The following WWOX variants were observed in gnomAD, a reference collection of about 807,000 sequenced individuals.
WWOX encodes WW domain containing oxidoreductase.
WWOX carries 69 observed loss-of-function variants against 46.2 expected under a neutral mutation model. The observed-to-expected ratio is 1.49, with a 90% CI of 1.23 to 1.82. The LOEUF is 1.82. WWOX is among the 40% of genes most tolerant of loss of function. The probability of loss-of-function intolerance (pLI) is 0.00; values close to 1 mark genes in which losing one functional copy is unlikely to be tolerated. For missense variants in WWOX, 919 were observed against 542.6 expected (o/e 1.69, Z -6.89); for synonymous variants, 359 against 202.6 (o/e 1.77, Z -6.56).
At chr16:78,112,961 T>G (rs1298613566) in intron 3 of WWOX, among the ~76,000 whole-genome samples, 1 of 152,106 alleles carries the variant, frequency 6.6e-6, no homozygotes, top group African/African-American at 2.4e-5. Context: ...CTGCCTTGAC[T>G]TCCCAAAGCA....
At chr16:78,825,360 C>T (rs371236502) in intron 8 of WWOX, 444 of 287,188 alleles carry the variant, frequency 1.5e-3, no homozygotes, top group Non-Finnish European at 2.3e-3. Context: ...TTTCTTACTC[C>T]GGAGCTGGCT....
intron 8 of WWOX, among the ~76,000 whole-genome samples, chr16:78,845,797 A>T (rs770962284): frequency 1.3e-5 from 2 of 152,242 alleles, no homozygotes; most frequent in African/African-American, 4.8e-5. Context: ...AAATGACATT[A>T]TAAGCTGGCT....
chr16:78,456,634 A>C (rs902619599), intron 8 of WWOX, among the ~76,000 whole-genome samples: 1 of 152,206 alleles, frequency 6.6e-6, no homozygotes, highest in Non-Finnish European at 1.5e-5. Flanking sequence ...AAAAATTCTG[A>C]ATCTGTGGTG....
At chr16:79,211,537 C>G in intron 8 of WWOX, 71 bp from the exon 9 acceptor site, 1 of 1,599,334 alleles carries the variant, frequency 6.3e-7, no homozygotes, top group Non-Finnish European at 8.5e-7. Context: ...AATGCCCAGG[C>G]AGTCGAAATG....
chr16:78,446,004 G>A (rs980814403), intron 8 of WWOX, among the ~76,000 whole-genome samples: 13 of 152,212 alleles, frequency 8.5e-5, no homozygotes, highest in African/African-American at 9.6e-5. Context: ...AGTCAAATGC[G>A]TAGCTGGCTG....
chr16:78,527,915 GC>G (rs2043516358), intron 8 of WWOX, among the ~76,000 whole-genome samples: 1 of 151,186 alleles, frequency 6.6e-6, no homozygotes, highest in Admixed American at 6.6e-5. Context: ...CAAAATATCA[GC>G]AGTGCCCAGG....
intron 5 of WWOX, among the ~76,000 whole-genome samples, chr16:78,293,009 TC>T (rs1163844232): frequency 6.6e-6 from 1 of 152,180 alleles, no homozygotes; most frequent in Non-Finnish European, 1.5e-5. Context: ...TTCTTGTTGG[TC>T]CTTTGCTCTT....
chr16:79,100,429 T>G (rs1039890901), intron 8 of WWOX, among the ~76,000 whole-genome samples: 2 of 152,152 alleles, frequency 1.3e-5, no homozygotes, highest in African/African-American at 4.8e-5. Flanking sequence ...TATCTTTAAG[T>G]GGCCTTTATT....
chr16:78,894,118 A>G (rs571756969), intron 8 of WWOX, among the ~76,000 whole-genome samples: 1 of 151,424 alleles, frequency 6.6e-6, no homozygotes, highest in South Asian at 2.1e-4. Context: ...GGCTCACTGC[A>G]GCCTTGACCT....
At chr16:78,170,199 G>C (rs541824397) in intron 5 of WWOX, among the ~76,000 whole-genome samples, 3 of 152,192 alleles carry the variant, frequency 2.0e-5, no homozygotes, top group South Asian at 4.2e-4. Context: ...TCATAACCAC[G>C]GCTATAAAAC....
intron 4 of WWOX, among the ~76,000 whole-genome samples, chr16:78,128,989 A>G (rs2033477839): frequency 6.6e-6 from 1 of 151,940 alleles, no homozygotes; most frequent in Admixed American, 6.5e-5. Flanking sequence ...TACTAGATTG[A>G]GTGTTTGACA....
intron 8 of WWOX, among the ~76,000 whole-genome samples, chr16:78,478,550 G>A (rs1226977116): frequency 4.0e-5 from 6 of 151,722 alleles, no homozygotes; most frequent in Admixed American, 3.9e-4. Context: ...CTCCTCTCTC[G>A]AAGCTCCATG....
At chr16:78,482,155 A>G (rs2084509455) in intron 8 of WWOX, among the ~76,000 whole-genome samples, 1 of 152,156 alleles carries the variant, frequency 6.6e-6, no homozygotes, top group Non-Finnish European at 1.5e-5. Context: ...TTTTTACATC[A>G]CAGTTCCACA....
At chr16:78,304,957 T>G (rs926301584) in intron 5 of WWOX, among the ~76,000 whole-genome samples, 4 of 151,796 alleles carry the variant, frequency 2.6e-5, no homozygotes, top group Admixed American at 2.6e-4. Flanking sequence ...TCTTTTTTTT[T>G]CTTTTCTTTC....
chr16:79,035,464 G>A (rs2550692), intron 8 of WWOX, among the ~76,000 whole-genome samples: 103,929 of 152,068 alleles, frequency 0.68, 35,804 homozygotes, highest in East Asian at 0.86. Flanking sequence ...AGTGGAAGGT[G>A]TACTCCGGCT....
chr16:78,631,407 C>T (rs976601289), intron 8 of WWOX, among the ~76,000 whole-genome samples: 1 of 152,174 alleles, frequency 6.6e-6, no homozygotes, highest in Admixed American at 6.5e-5. Flanking sequence ...CAAGATATTC[C>T]AGCTATGGCA....
intron 5 of WWOX, among the ~76,000 whole-genome samples, chr16:78,322,417 C>A (rs907170133): frequency 6.6e-6 from 1 of 152,176 alleles, no homozygotes; most frequent in Non-Finnish European, 1.5e-5. Flanking sequence ...ACTGAGTGTT[C>A]GTGATCGCCA....
intron 8 of WWOX, among the ~76,000 whole-genome samples, chr16:78,693,158 A>G (rs745828205): frequency 5.3e-5 from 8 of 152,220 alleles, no homozygotes; most frequent in Non-Finnish European, 1.0e-4. Context: ...ATATTTAAAA[A>G]GCAATTATTT....
chr16:78,885,127 G>A (rs1163424187), intron 8 of WWOX, among the ~76,000 whole-genome samples: 1 of 151,836 alleles, frequency 6.6e-6, no homozygotes, highest in East Asian at 1.9e-4. Context: ...TTTGTGGAGT[G>A]GGCTAAATGG....
Sources: allele counts gnomAD v4.1 joint callset (sites outside exome capture counted in the v4.1 genomes callset), GRCh38; gene constraint gnomAD v4.1.1; transcripts MANE v1.5; gene names NCBI Gene and HGNC (gene_info 2026-07-23, HGNC 2026-07-21).